The following RAD51B variants were observed in gnomAD, a reference collection of about 807,000 sequenced individuals.
The protein encoded by RAD51B is DNA repair protein RAD51 homolog 2.
Under a neutral mutation model 42.2 loss-of-function variants are expected in RAD51B, and 38 were observed. That is an observed-to-expected ratio of 0.90 (90% CI 0.70 to 1.18). The LOEUF (loss-of-function observed/expected upper bound fraction) is 1.18. RAD51B is among the 50% of genes most tolerant of loss of function. The pLI, the probability that RAD51B is intolerant of heterozygous loss-of-function variation, is 0.00. For missense variants in RAD51B, 373 were observed against 400.7 expected (o/e 0.93, Z 0.59); for synonymous variants, 154 against 145.2 (o/e 1.06, Z -0.43).
At chr14:67,833,689 T>G (rs1255829900) in intron 3 of RAD51B, among the ~76,000 whole-genome samples, 1 of 152,186 alleles carries the variant, frequency 6.6e-6, no homozygotes, top group Non-Finnish European at 1.5e-5. Context: ...ACTTATGAAT[T>G]ATTTCTGGAA....
chr14:68,412,987 C>T (rs571989370), intron 9 of RAD51B, among the ~76,000 whole-genome samples: 16 of 152,236 alleles, frequency 1.1e-4, no homozygotes, highest in African/African-American at 3.1e-4. Flanking sequence ...TCCTTGAAAA[C>T]TTATAGTTTA....
At chr14:67,995,853 G>A (rs1056570374) in intron 7 of RAD51B, among the ~76,000 whole-genome samples, 1 of 151,846 alleles carries the variant, frequency 6.6e-6, no homozygotes, top group Non-Finnish European at 1.5e-5. Context: ...TCCTGACCTC[G>A]TGATCCGCCC....
In RAD51B at chr14:68,562,887, G is replaced by A. The variant is rs116074741; in HGVS notation, c.1037-31598G>A. ...AAGAGAGGAACTCAGAAACCTCTGG[G>A]CACCTTCTGGATGGAGCCCATTGCC... On this transcript the variant is annotated intron_variant, in intron 10 of 10. Coordinates refer to the RAD51B transcript ENST00000487270. The A allele has an allele frequency of 8.8e-4, 866 of 985,408 alleles. 9 individuals are homozygous for A. In the African/African-American group the frequency reaches 0.014, roughly 16 times the overall value. The allele number at this position is 985,408 out of a possible 1,614,324, so 61.0% of individuals were successfully genotyped here.
intron 10 of RAD51B, among the ~76,000 whole-genome samples, chr14:68,607,372 C>A (rs969568962): frequency 6.6e-6 from 1 of 152,174 alleles, no homozygotes; most frequent in African/African-American, 2.4e-5. Flanking sequence ...TGGAAAAATG[C>A]GTGGCAAACA....
intron 10 of RAD51B, among the ~76,000 whole-genome samples, chr14:68,548,163 G>A (rs1352472955): frequency 2.6e-5 from 4 of 152,146 alleles, no homozygotes; most frequent in Admixed American, 6.5e-5. Flanking sequence ...TTTCTAAGAA[G>A]GCTGAGATAC....
intron 10 of RAD51B, 194 bp downstream of exon 10, chr14:68,468,444 G>T: frequency 1.4e-6 from 1 of 726,496 alleles, no homozygotes; most frequent in Non-Finnish European, 2.5e-6. Context: ...AGAGAAGATT[G>T]AGGTAGGGCC....
At chr14:68,051,876 G>A (rs940094292) in intron 7 of RAD51B, among the ~76,000 whole-genome samples, 1 of 88,328 alleles carries the variant, frequency 1.1e-5, no homozygotes, top group Non-Finnish European at 2.2e-5. Flanking sequence ...TCCCACATAT[G>A]TGTGTGTGTG....
intron 7 of RAD51B, among the ~76,000 whole-genome samples, chr14:67,992,792 CTT>C (rs1192348045): frequency 2.0e-5 from 3 of 151,476 alleles, no homozygotes; most frequent in African/African-American, 7.3e-5. Context: ...ATATTTGGCA[CTT>C]TTTTATTAGT....
intron 7 of RAD51B, among the ~76,000 whole-genome samples, chr14:68,077,622 A>T (rs1348501237): frequency 6.6e-6 from 1 of 152,220 alleles, no homozygotes; most frequent in Non-Finnish European, 1.5e-5. Context: ...AAACAAAAAT[A>T]TGAGTTGAAT....
At chr14:67,944,171 T>G (rs1248853352) in intron 7 of RAD51B, among the ~76,000 whole-genome samples, 1 of 151,470 alleles carries the variant, frequency 6.6e-6, no homozygotes, top group Non-Finnish European at 1.5e-5. Flanking sequence ...GACAATTTCA[T>G]CTTAGAGTAC....
At chr14:68,470,054 T>G (rs73278374) in intron 10 of RAD51B, among the ~76,000 whole-genome samples, 2,230 of 152,034 alleles carry the variant, frequency 0.015, 59 homozygotes, top group African/African-American at 0.051. Flanking sequence ...ATTGGTAGAG[T>G]TTAAAAAACT....
intron 10 of RAD51B, among the ~76,000 whole-genome samples, chr14:68,513,842 A>G (rs547346154): frequency 3.3e-5 from 5 of 152,338 alleles, no homozygotes; most frequent in Admixed American, 1.3e-4. Context: ...TTTGTTCCTC[A>G]GTTTCACTTA....
At chr14:68,473,555 G>T (rs1882278594) in intron 10 of RAD51B, among the ~76,000 whole-genome samples, 1 of 151,604 alleles carries the variant, frequency 6.6e-6, no homozygotes, top group Non-Finnish European at 1.5e-5. Context: ...TTTTTTTCTG[G>T]CAATCAGCCT....
intron 7 of RAD51B, among the ~76,000 whole-genome samples, chr14:68,241,761 T>C (rs2080393690): frequency 6.6e-6 from 1 of 152,166 alleles, no homozygotes; most frequent in South Asian, 2.1e-4. Context: ...TTGTCTACCA[T>C]TCCCAAGACC....
chr14:68,391,136 G>GTCTTTCTT (rs36073427), intron 8 of RAD51B, among the ~76,000 whole-genome samples: 23,763 of 141,416 alleles, frequency 0.17, 2,152 homozygotes, highest in African/African-American at 0.21. Flanking sequence ...TATGAGACTT[G>GTCTTTCTT]TCTTTCTTTC....
chr14:68,142,361 T>G (rs1389873628), intron 7 of RAD51B, among the ~76,000 whole-genome samples: 2 of 152,218 alleles, frequency 1.3e-5, no homozygotes, highest in African/African-American at 2.4e-5. Flanking sequence ...AGTATGTGAT[T>G]TCTGTCAATA....
At chr14:67,929,153 C>T (rs573904256) in intron 7 of RAD51B, among the ~76,000 whole-genome samples, 38 of 151,856 alleles carry the variant, frequency 2.5e-4, no homozygotes, top group South Asian at 1.9e-3. Context: ...TTTGTTCTTG[C>T]TTTTTAGTTT....
At chr14:68,179,847 G>C (rs1255907842) in intron 7 of RAD51B, among the ~76,000 whole-genome samples, 1 of 152,148 alleles carries the variant, frequency 6.6e-6, no homozygotes, top group Non-Finnish European at 1.5e-5. Flanking sequence ...CACACCATAG[G>C]AGTGGTATGC....
At chr14:68,585,525 A>G (rs1056844311) in intron 10 of RAD51B, among the ~76,000 whole-genome samples, 5 of 152,166 alleles carry the variant, frequency 3.3e-5, no homozygotes, top group African/African-American at 7.2e-5. Context: ...ATCTTTAACA[A>G]AGGTGGGATA....
Sources: gnomAD v4.1 joint callset for allele counts (sites outside exome capture counted in the v4.1 genomes callset) on GRCh38, gnomAD v4.1.1 for gene constraint, MANE v1.5 for transcripts, NCBI Gene and HGNC (gene_info 2026-07-23, HGNC 2026-07-21) for gene names.